Variants in KLHL20 observed in about 807,000 individuals in gnomAD.
KLHL20 encodes the protein kelch-like protein 20.
A neutral mutation model predicts 69.5 loss-of-function variants in KLHL20; 29 were observed. The ratio of observed to expected loss-of-function variants is 0.42; its 90% CI spans 0.31 to 0.57. KLHL20 has a LOEUF of 0.57. KLHL20 is among the 20% of genes least tolerant of loss of function. The pLI is 0.18. For missense variants in KLHL20, 419 were observed against 776.0 expected (o/e 0.54, Z 5.47); for synonymous variants, 253 against 265.2 (o/e 0.95, Z 0.45).
chr1:173,751,621 T>C, intron 3 of KLHL20, 143 bp from the exon 4 acceptor site: 1 of 627,372 alleles, frequency 1.6e-6, no homozygotes, highest in Non-Finnish European at 2.6e-6. Context: ...TTGTTCTCTT[T>C]TCAAATTTTT....
intron 8 of KLHL20, among the ~76,000 whole-genome samples, chr1:173,772,307 C>G (rs1302880418): frequency 6.6e-6 from 1 of 152,144 alleles, no homozygotes; most frequent in Non-Finnish European, 1.5e-5. Flanking sequence ...CGCTAAGAGT[C>G]AAAAAGACTC....
chr1:173,721,977 T>C (rs958455532), intron 2 of KLHL20, among the ~76,000 whole-genome samples: 1 of 152,218 alleles, frequency 6.6e-6, no homozygotes, highest in African/African-American at 2.4e-5. Context: ...TTCATTTAGA[T>C]AGCGTATTAG....
At chr1:173,723,284 T>A (rs1671800852) in intron 2 of KLHL20, among the ~76,000 whole-genome samples, 1 of 152,218 alleles carries the variant, frequency 6.6e-6, no homozygotes. Context: ...AGCTCTGTGG[T>A]TAAAAGCATT....
At chr1:173,748,790 G>A (rs1412830116) in intron 3 of KLHL20, among the ~76,000 whole-genome samples, 4 of 151,934 alleles carry the variant, frequency 2.6e-5, no homozygotes, top group African/African-American at 9.7e-5. Flanking sequence ...GCTTCAGAAC[G>A]TTCTTGGATT....
At chr1:173,716,802 C>A (rs962834172) in intron 2 of KLHL20, among the ~76,000 whole-genome samples, 1 of 152,076 alleles carries the variant, frequency 6.6e-6, no homozygotes, top group Non-Finnish European at 1.5e-5. Flanking sequence ...TTCTGCAGTT[C>A]TTTTAAGAGA....
chr1:173,723,155 C>G (rs1467133784), intron 2 of KLHL20, among the ~76,000 whole-genome samples: 1 of 152,094 alleles, frequency 6.6e-6, no homozygotes, highest in East Asian at 1.9e-4. Flanking sequence ...TGTCAGTATT[C>G]CAGGAATTTT....
At chr1:173,769,798 A>T (rs1647972504) in intron 8 of KLHL20, among the ~76,000 whole-genome samples, 1 of 151,722 alleles carries the variant, frequency 6.6e-6, no homozygotes, top group South Asian at 2.1e-4. Flanking sequence ...AAAAAAAAAA[A>T]AAATTTAAGG....
intron 2 of KLHL20, among the ~76,000 whole-genome samples, chr1:173,730,479 G>C (rs1420728994): frequency 1.3e-5 from 2 of 152,020 alleles, no homozygotes; most frequent in African/African-American, 2.4e-5. Context: ...ATACTACAAG[G>C]CTACAGTAAC....
intron 5 of KLHL20, among the ~76,000 whole-genome samples, chr1:173,754,509 G>GGGAGGT (rs1309848615): frequency 6.6e-6 from 1 of 151,574 alleles, no homozygotes; most frequent in African/African-American, 2.4e-5. Context: ...GCTTGAACCT[G>GGGAGGT]GGAGGTGGAG....
chr1:173,780,544 G>A (rs772096250), intron 10 of KLHL20, among the ~76,000 whole-genome samples: 9 of 152,112 alleles, frequency 5.9e-5, no homozygotes, highest in Non-Finnish European at 1.0e-4. Flanking sequence ...ACTTTGAAAG[G>A]CAGAGACAGG....
At chr1:173,722,757 T>G (rs1047930614) in intron 2 of KLHL20, among the ~76,000 whole-genome samples, 6 of 151,534 alleles carry the variant, frequency 4.0e-5, no homozygotes, top group Admixed American at 6.6e-5. Context: ...TGGCACAATC[T>G]TGGTTCACCG....
intron 5 of KLHL20, among the ~76,000 whole-genome samples, chr1:173,754,506 C>G (rs185054543): frequency 6.6e-5 from 10 of 151,454 alleles, no homozygotes; most frequent in African/African-American, 2.2e-4. Context: ...ATTGCTTGAA[C>G]CTGGGAGGTG....
intron 2 of KLHL20, among the ~76,000 whole-genome samples, chr1:173,731,973 G>A (rs1011155904): frequency 2.6e-5 from 4 of 152,054 alleles, no homozygotes; most frequent in South Asian, 2.1e-4. Context: ...TGAGGCAGGC[G>A]GATCACGAGG....
intron 7 of KLHL20, among the ~76,000 whole-genome samples, chr1:173,761,357 G>A (rs1345300987): frequency 6.6e-6 from 1 of 151,968 alleles, no homozygotes; most frequent in African/African-American, 2.4e-5. Flanking sequence ...AGAAACAATG[G>A]ATTTAAACTA....
At chr1:173,759,704 G>A (rs1400217807) in intron 7 of KLHL20, among the ~76,000 whole-genome samples, 1 of 152,146 alleles carries the variant, frequency 6.6e-6, no homozygotes, top group Non-Finnish European at 1.5e-5. Context: ...ACACTTCGTG[G>A]AACAAAAGAA....
chr1:173,715,398 C>T (rs2102443283), intron 1 of KLHL20: 1 of 152,568 alleles, frequency 6.6e-6, no homozygotes, highest in East Asian at 1.9e-4. Flanking sequence ...GTACGTGCGC[C>T]CCCATTTAAC....
intron 10 of KLHL20, among the ~76,000 whole-genome samples, chr1:173,776,693 C>T (rs987212823): frequency 8.5e-5 from 13 of 152,158 alleles, no homozygotes; most frequent in South Asian, 2.1e-4. Context: ...CCCCAATATA[C>T]GTTCCTAGCA....
intron 2 of KLHL20, among the ~76,000 whole-genome samples, chr1:173,722,981 C>T (rs909581787): frequency 3.3e-5 from 5 of 152,100 alleles, no homozygotes; most frequent in African/African-American, 4.8e-5. Flanking sequence ...TGAGCCACCG[C>T]GCCTGGCACT....
chr1:173,737,949 CT>C (rs79506793), intron 3 of KLHL20, among the ~76,000 whole-genome samples: 32,361 of 138,010 alleles, frequency 0.23, 3,850 homozygotes, highest in Middle Eastern at 0.41. Flanking sequence ...AGTATTTTAT[CT>C]TTTTTTTTTT....
Sources: gnomAD v4.1 joint callset for allele counts (sites outside exome capture counted in the v4.1 genomes callset) on GRCh38, gnomAD v4.1.1 for gene constraint, MANE v1.5 for transcripts, NCBI Gene and HGNC (gene_info 2026-07-23, HGNC 2026-07-21) for gene names.